Variants in HDAC9 observed in about 807,000 individuals in gnomAD.
The protein encoded by HDAC9 is histone deacetylase 9.
Under a neutral mutation model 139.4 loss-of-function variants are expected in HDAC9, and 41 were observed. The ratio of observed to expected loss-of-function variants is 0.29; its 90% CI spans 0.23 to 0.38. The LOEUF is 0.38. HDAC9 is among the 10% of genes least tolerant of loss of function. The pLI is 1.00. For synonymous variants in HDAC9, 517 were observed against 476.2 expected (o/e 1.09, Z -1.12); for missense variants, 1,147 against 1,297.0 (o/e 0.88, Z 1.78).
intron 14 of HDAC9, among the ~76,000 whole-genome samples, chr7:18,757,691 T>C (rs2129153173): frequency 6.6e-6 from 1 of 152,292 alleles, no homozygotes; most frequent in African/African-American, 2.4e-5. Flanking sequence ...TTTCCTTTTT[T>C]CCCTGCTCCT....
At chr7:18,680,344 A>C (rs547806853) in intron 12 of HDAC9, among the ~76,000 whole-genome samples, 3 of 152,108 alleles carry the variant, frequency 2.0e-5, no homozygotes, top group Admixed American at 6.6e-5. Context: ...GAAAGTGAGC[A>C]ATAGATTTTA....
chr7:18,226,295 A>G (rs1793050233), intron 2 of HDAC9, among the ~76,000 whole-genome samples: 1 of 152,146 alleles, frequency 6.6e-6, no homozygotes, highest in Non-Finnish European at 1.5e-5. Context: ...AGATGTACCC[A>G]TCCAGTTTTG....
chr7:18,486,557 TAGAC>T (rs1453424377), intron 1 of HDAC9, among the ~76,000 whole-genome samples: 6 of 152,134 alleles, frequency 3.9e-5, no homozygotes, highest in Admixed American at 3.9e-4. Flanking sequence ...GTATGGCCGT[TAGAC>T]AGAACCAGGG....
At chr7:18,544,070 G>A (rs1813907365) in intron 2 of HDAC9, among the ~76,000 whole-genome samples, 1 of 152,116 alleles carries the variant, frequency 6.6e-6, no homozygotes, top group Admixed American at 6.5e-5. Flanking sequence ...ATACTAAGAG[G>A]CAACCTTCTG....
At chr7:18,192,296 G>C (rs1790404531) in intron 2 of HDAC9, among the ~76,000 whole-genome samples, 1 of 152,116 alleles carries the variant, frequency 6.6e-6, no homozygotes, top group Admixed American at 6.5e-5. Context: ...AGATTGATGT[G>C]GCTTGCTGCT....
intron 25 of HDAC9, 50 bp from the exon 26 acceptor site, chr7:18,995,973 G>T: frequency 2.1e-6 from 3 of 1,423,406 alleles, no homozygotes; most frequent in Non-Finnish European, 1.9e-6. Context: ...AATCTACAAT[G>T]TCATTGTGTA....
intron 22 of HDAC9, among the ~76,000 whole-genome samples, chr7:18,924,187 T>C (rs773162043): frequency 1.3e-4 from 20 of 152,066 alleles, no homozygotes; most frequent in Non-Finnish European, 2.9e-4. Flanking sequence ...TAGATGCTTA[T>C]GAATTTTGCT....
chr7:18,362,029 T>C (rs1013608805), intron 1 of HDAC9, among the ~76,000 whole-genome samples: 1 of 152,224 alleles, frequency 6.6e-6, no homozygotes, highest in African/African-American at 2.4e-5. Context: ...CTGCTTTCCC[T>C]GCTCCTAAGG....
chr7:18,735,841 C>T (rs61300318), intron 13 of HDAC9, among the ~76,000 whole-genome samples: 6,432 of 152,236 alleles, frequency 0.042, 288 homozygotes, highest in East Asian at 0.1. Flanking sequence ...GCCATTTTCA[C>T]GATATTGGTT....
At chr7:18,306,235 A>G (rs1212969237) in intron 1 of HDAC9, among the ~76,000 whole-genome samples, 1 of 152,136 alleles carries the variant, frequency 6.6e-6, no homozygotes, top group Non-Finnish European at 1.5e-5. Flanking sequence ...CATCGTTATT[A>G]GTTGGGGGCT....
chr7:18,152,317 G>T (rs1786841639), intron 1 of HDAC9, among the ~76,000 whole-genome samples: 1 of 152,166 alleles, frequency 6.6e-6, no homozygotes, highest in Non-Finnish European at 1.5e-5. Context: ...GGTCAGAATG[G>T]TAAATAATTT....
chr7:18,138,527 G>GGT (rs71014309), intron 1 of HDAC9, among the ~76,000 whole-genome samples: 9,154 of 142,458 alleles, frequency 0.064, 310 homozygotes, highest in South Asian at 0.089. Context: ...GAGAGAGAGA[G>GGT]GTGTGTGTGT....
chr7:18,825,662 G>C (rs1795369049), intron 17 of HDAC9, among the ~76,000 whole-genome samples: 1 of 150,714 alleles, frequency 6.6e-6, no homozygotes, highest in Non-Finnish European at 1.5e-5. Context: ...AAAAACGTGG[G>C]AGCTGGAGGG....
At chr7:18,152,938 T>C (rs1202380750) in intron 1 of HDAC9, among the ~76,000 whole-genome samples, 1 of 152,170 alleles carries the variant, frequency 6.6e-6, no homozygotes, top group East Asian at 1.9e-4. Context: ...GGTGTATTGG[T>C]GTGTTTTCAC....
intron 2 of HDAC9, among the ~76,000 whole-genome samples, chr7:18,208,357 A>G (rs1791689769): frequency 6.7e-6 from 1 of 149,160 alleles, no homozygotes; most frequent in Non-Finnish European, 1.5e-5. Context: ...TTGTATCCAA[A>G]ATGTCTGAGA....
chr7:18,993,844 T>C (rs1405586185), intron 25 of HDAC9, among the ~76,000 whole-genome samples: 1 of 152,036 alleles, frequency 6.6e-6, no homozygotes, highest in Admixed American at 6.6e-5. Flanking sequence ...AGAGAATTGG[T>C]TAATTATGCA....
At chr7:18,762,417 C>T in intron 15 of HDAC9, 140 bp downstream of exon 15, 1 of 797,138 alleles carries the variant, frequency 1.3e-6, no homozygotes, top group Non-Finnish European at 1.9e-6. Flanking sequence ...TGGAGTGAGT[C>T]ATTTGCAACA....
chr7:18,487,850 G>T (rs1796085750), intron 1 of HDAC9, among the ~76,000 whole-genome samples: 1 of 152,004 alleles, frequency 6.6e-6, no homozygotes, highest in African/African-American at 2.4e-5. Flanking sequence ...AGCAAGAAAT[G>T]ATGTAAAAAG....
intron 1 of HDAC9, among the ~76,000 whole-genome samples, chr7:18,369,386 C>G (rs1431690525): frequency 6.6e-6 from 1 of 152,026 alleles, no homozygotes; most frequent in African/African-American, 2.4e-5. Flanking sequence ...ACATGCTTAC[C>G]ATGTTCTCTG....
Sources: allele counts gnomAD v4.1 joint callset (sites outside exome capture counted in the v4.1 genomes callset), GRCh38; gene constraint gnomAD v4.1.1; transcripts MANE v1.5; gene names NCBI Gene and HGNC (gene_info 2026-07-23, HGNC 2026-07-21).